LMO3: variants seen among roughly 807,000 people sequenced by gnomAD.
LMO3 encodes the protein LIM domain only 3, also known as LIM domain only protein 3.
Under a neutral mutation model 15.8 loss-of-function variants are expected in LMO3, and 2 were observed. The ratio of observed to expected loss-of-function variants is 0.13; its 90% CI spans 0.05 to 0.40. The LOEUF (loss-of-function observed/expected upper bound fraction) is 0.40. LMO3 is among the 10% of genes least tolerant of loss of function. The probability of loss-of-function intolerance (pLI) is 0.99; values close to 1 mark genes in which losing one functional copy is unlikely to be tolerated. For synonymous variants in LMO3, 62 were observed against 63.8 expected (o/e 0.97, Z 0.13); for missense variants, 86 against 182.2 (o/e 0.47, Z 3.04).
chr12:16,572,540 G>A (rs988632387), intron 2 of LMO3, among the ~76,000 whole-genome samples: 1 of 149,770 alleles, frequency 6.7e-6, no homozygotes, highest in Non-Finnish European at 1.5e-5. Context: ...AATTTTAACT[G>A]TTTCTCAAAC....
chr12:16,600,563 G>T, intron 2 of LMO3, 92 bp downstream of exon 2: 2 of 1,073,154 alleles, frequency 1.9e-6, no homozygotes, highest in Non-Finnish European at 2.8e-6. Context: ...TAAGCTGGCA[G>T]TAAGGAAATG....
At position 16,582,599 on chromosome 12, in the gene LMO3, G is replaced by A. The variant is rs1403775936; in HGVS notation, c.206+18056C>T. On this transcript the variant is annotated intron_variant, in intron 2 of 3. Coordinates refer to ENST00000537304, the MANE Select transcript of LMO3 (RefSeq NM_018640.5). The surrounding 1 kb of genome is among the most constrained non-coding windows in gnomAD (Gnocchi z 4.1). ...CTTGTTGGAGAGTAATGGGCTACGG[G>A]TAGAGATTGAGCCATCACAATAAGA... is the stretch of plus-strand genomic sequence containing the variant. Among the ~76,000 whole-genome samples the A allele has an allele frequency of 3.9e-5, 6 of 152,168 alleles. No homozygotes were observed. The East Asian group carries it at 9.6e-4, about 24-fold the overall frequency.
chr12:16,602,271 A>G (rs1436546204), intron 1 of LMO3: 2 of 152,196 alleles, frequency 1.3e-5, no homozygotes, highest in Non-Finnish European at 2.9e-5. Flanking sequence ...AACCTCCTCC[A>G]GTTTCCTCTG....
rs1265508642 is a variant in LMO3, at chr12:16,585,487, C to T, written c.206+15168G>A. Reference sequence around the variant, plus strand: ...TCAAATATTGTTCCCAAATATTATTCAAATTCACCTAATTTTACATATAAT... The same window carrying T: ...TCAAATATTGTTCCCAAATATTATTTAAATTCACCTAATTTTACATATAAT... On this transcript the variant is annotated intron_variant, in intron 2 of 3. Coordinates refer to ENST00000537304, the MANE Select transcript of LMO3 (RefSeq NM_018640.5). This position sits in a 1 kb window ranked among gnomAD's most constrained non-coding sequence, Gnocchi z 4.7. 6.6e-6 allele frequency among the ~76,000 whole-genome samples: 1 copy of T among 152,120 alleles called. No homozygotes were observed. Among genetic ancestry groups the T allele is most frequent in the Non-Finnish European group, 1.5e-5 (1 of 68,014 alleles).
At chr12:16,557,926 A>G (rs1302718491) in intron 3 of LMO3, among the ~76,000 whole-genome samples, 1 of 152,084 alleles carries the variant, frequency 6.6e-6, no homozygotes, top group Non-Finnish European at 1.5e-5. Context: ...ACAGGGTCTC[A>G]TAAGGTCCAT....
intron 2 of LMO3, among the ~76,000 whole-genome samples, chr12:16,581,884 CTTT>C (rs1943170079): frequency 6.6e-6 from 1 of 151,942 alleles, no homozygotes. Flanking sequence ...ATTTGATTTA[CTTT>C]TTTATTTAGC....
At position 16,556,800 on chromosome 12, in the gene LMO3, G is replaced by C. The variant is rs370974944; in HGVS notation, c.332+3613C>G. On this transcript the variant is annotated intron_variant, in intron 3 of 3. Coordinates refer to ENST00000537304, the MANE Select transcript of LMO3 (RefSeq NM_018640.5). ...TGCTTTGCTTGACTGATGAAGATTA[G>C]CTGACTTCCCGCATTAGTTTGTCTT... Among the ~76,000 whole-genome samples the C allele has an allele frequency of 8.3e-4, 127 of 152,214 alleles. 5 individuals carry two copies. The South Asian group carries it at 0.026, about 31-fold the overall frequency.
intron 3 of LMO3, among the ~76,000 whole-genome samples, chr12:16,553,652 C>A (rs1237294331): frequency 6.6e-6 from 1 of 151,962 alleles, no homozygotes; most frequent in Admixed American, 6.6e-5. Context: ...AACAAAACAG[C>A]CTTGAAAGCT....
chr12:16,565,370 T>C (rs1187062165), intron 2 of LMO3, among the ~76,000 whole-genome samples: 1 of 152,210 alleles, frequency 6.6e-6, no homozygotes, highest in East Asian at 1.9e-4. Context: ...TTTTACTTTT[T>C]CAACTAAGGA....
rs577296763 is a variant in LMO3 at position 16,572,223 on chromosome 12, C to T, written c.207-11685G>A. 8.6e-5 allele frequency among the ~76,000 whole-genome samples: 13 copies of T among 151,438 alleles called. No homozygotes were observed. In the South Asian group the frequency reaches 1.0e-3, roughly 12 times the overall value. ...GAGAAATACTAAAGTTGTACTTTTACGTAGTAAAGCTCTACAGAAGGAATT... is the reference window on the plus strand; with the variant it reads ...GAGAAATACTAAAGTTGTACTTTTATGTAGTAAAGCTCTACAGAAGGAATT... On this transcript the variant is annotated intron_variant, in intron 2 of 3. Coordinates refer to ENST00000537304, the MANE Select transcript of LMO3 (RefSeq NM_018640.5).
rs111508443 is a variant in LMO3, at chr12:16,576,911, C to A, written c.207-16373G>T. Reference sequence around the variant, plus strand: ...AGAAATGATTATACCACCCTCCCCACGTTCTTTCCTAAACTATCTATTTTA... The same window carrying A: ...AGAAATGATTATACCACCCTCCCCAAGTTCTTTCCTAAACTATCTATTTTA... On this transcript the variant is annotated intron_variant, in intron 2 of 3. Coordinates refer to ENST00000537304, the MANE Select transcript of LMO3 (RefSeq NM_018640.5). This position sits in a 1 kb window ranked among gnomAD's most constrained non-coding sequence, Gnocchi z 4.1. Among the ~76,000 whole-genome samples the A allele has an allele frequency of 6.6e-6, 1 of 152,176 alleles. No individual in the cohort carries two copies. The highest frequency in any genetic ancestry group is 1.5e-5 in the Non-Finnish European group (1 of 68,030).
intron 2 of LMO3, among the ~76,000 whole-genome samples, chr12:16,565,210 T>C (rs188038058): frequency 1.9e-3 from 282 of 152,316 alleles, no homozygotes; most frequent in South Asian, 5.0e-3. Flanking sequence ...GACTATGAAA[T>C]TGCAATCAAT....
chr12:16,566,258 G>A (rs1357732663), intron 2 of LMO3, among the ~76,000 whole-genome samples: 1 of 151,424 alleles, frequency 6.6e-6, no homozygotes, highest in Non-Finnish European at 1.5e-5. Flanking sequence ...AGCAGAGAGG[G>A]AAGGAGGAAG....
In LMO3 at chr12:16,567,939, C is replaced by A. The variant is rs184080030; in HGVS notation, c.207-7401G>T. On this transcript the variant is annotated intron_variant, in intron 2 of 3. Coordinates refer to ENST00000537304, the MANE Select transcript of LMO3 (RefSeq NM_018640.5). ...TACTGAGTAGCGATCATGATCTGAC[C>A]CATTTTAACAACATGGTGGGGGTAA... is the stretch of plus-strand genomic sequence containing the variant. Among the ~76,000 whole-genome samples the A allele has an allele frequency of 2.9e-3, 438 of 152,160 alleles. 2 individuals are homozygous for A. The highest frequency in any genetic ancestry group is 3.0e-3 in the Non-Finnish European group (204 of 68,004).
At position 16,563,318 on chromosome 12, in the gene LMO3, A is replaced by T. The variant is rs139140399; in HGVS notation, c.207-2780T>A. ...CTACATTCGAGTTCTCTTTTTTCTCAGTGGGACAAACCCAGGATTCTCTGG... is the reference window on the plus strand; with the variant it reads ...CTACATTCGAGTTCTCTTTTTTCTCTGTGGGACAAACCCAGGATTCTCTGG... On this transcript the variant is annotated intron_variant, in intron 2 of 3. Transcript: ENST00000537304. Among the ~76,000 whole-genome samples the T allele has an allele frequency of 2.6e-5, 4 of 152,296 alleles. No homozygotes were observed. The East Asian group carries it at 7.7e-4, about 29-fold the overall frequency.
rs1941868362 is a variant in LMO3, at chr12:16,548,416, A to C, written c.*2806T>G. On this transcript the variant is annotated 3_prime_UTR_variant, in exon 4 of 4. Transcript: ENST00000537304. The surrounding 1 kb of genome is among the most constrained non-coding windows in gnomAD (Gnocchi z 4.2). ...TTAAAAACATAAATCCAAATGTAAA[A>C]AAGTGAATGAAAGAATCCAGCAGAT... 1 of 152,194 alleles carries C rather than the reference A, an allele frequency of 6.6e-6. No homozygotes were observed. The highest frequency in any genetic ancestry group is 1.5e-5 in the Non-Finnish European group (1 of 68,026). 9.4% of individuals were successfully genotyped at this position (152,194 alleles called of 1,614,324 possible).
rs544633831 is a variant in LMO3, at chr12:16,557,523, C to T, written c.332+2890G>A. Among the ~76,000 whole-genome samples, 45 of 152,060 alleles carry T rather than the reference C, an allele frequency of 3.0e-4. No individual in the cohort carries two copies. The Middle Eastern group carries it at 0.01, about 34-fold the overall frequency. The stretch of plus-strand genomic sequence containing the variant: ...CATATGCCTTCAAACTGTTATATAC[C>T]TTGTTTAAGTAATCATGCTCTGTGA... On this transcript the variant is annotated intron_variant, in intron 3 of 3. Transcript: ENST00000537304.
At chr12:16,565,990 A>G (rs1942587018) in intron 2 of LMO3, among the ~76,000 whole-genome samples, 1 of 8,498 alleles carries the variant, frequency 1.2e-4, no homozygotes, top group South Asian at 2.7e-3. Flanking sequence ...TGCCATATAT[A>G]TATATATATA....
In LMO3 at chr12:16,584,153, C is replaced by T. The variant is rs544082748; in HGVS notation, c.206+16502G>A. 1.2e-3 allele frequency among the ~76,000 whole-genome samples: 177 copies of T among 152,190 alleles called. No homozygotes were observed. The highest frequency in any genetic ancestry group is 3.9e-3 in the African/African-American group (161 of 41,536). On this transcript the variant is annotated intron_variant, in intron 2 of 3. Transcript: ENST00000537304. This position sits in a 1 kb window ranked among gnomAD's most constrained non-coding sequence, Gnocchi z 5.2. ...AATTGTGGTAAGAGGGAAATGACAG[C>T]AGTGAGTAGGGGTAAAAGGTAGTAT...
Sources: gnomAD v4.1 joint callset for allele counts (sites outside exome capture counted in the v4.1 genomes callset) on GRCh38, gnomAD v4.1.1 for gene constraint, Gnocchi (gnomAD v3.1) non-coding constraint, MANE v1.5 for transcripts, NCBI Gene and HGNC (gene_info 2026-07-23, HGNC 2026-07-21) for gene names.